Variants in LRRC37B observed in about 807,000 individuals in gnomAD.
LRRC37B encodes leucine rich repeat containing 37B.
In LRRC37B, 28 loss-of-function variants were observed where a neutral mutation model predicts 98.3. The ratio of observed to expected loss-of-function variants is 0.28; its 90% CI spans 0.21 to 0.39. The LOEUF (loss-of-function observed/expected upper bound fraction) is 0.39. Ranked by LOEUF, LRRC37B falls within the 10% of genes least tolerant of loss-of-function variation. The probability of loss-of-function intolerance (pLI) is 1.00; values close to 1 mark genes in which losing one functional copy is unlikely to be tolerated. For missense variants in LRRC37B, 938 were observed against 1,182.7 expected, an observed-to-expected ratio of 0.79 and a Z score of 3.03; for synonymous variants, 364 against 442.7, an observed-to-expected ratio of 0.82 and a Z score of 2.23.
intron 7 of LRRC37B, chr17:32,040,315 C>T (rs371829865): frequency 3.1e-4 from 105 of 339,202 alleles, no homozygotes; most frequent in African/African-American, 2.1e-3. Context: ...TCGAGGTGGC[C>T]CCGGGGCAGG....
intron 7 of LRRC37B, among the ~76,000 whole-genome samples, chr17:32,039,510 A>C (rs1436616024): frequency 6.7e-5 from 3 of 44,752 alleles, no homozygotes; most frequent in African/African-American, 3.4e-4. Context: ...ATATATATAT[A>C]TATATATATA....
At chr17:32,045,648 A>G in intron 7 of LRRC37B, 52 bp from the exon 11 acceptor site, 8 of 1,595,882 alleles carry the variant, frequency 5.0e-6, no homozygotes, top group Non-Finnish European at 1.7e-6. Context: ...TCCTTTACCT[A>G]CTCAAGTAAC....
chr17:32,025,029 C>CTTTT (rs1567614542), intron 2 of LRRC37B, among the ~76,000 whole-genome samples: 2 of 35,242 alleles, frequency 5.7e-5, no homozygotes, highest in African/African-American at 9.2e-5. Context: ...TTTTTTTCCT[C>CTTTT]GTTTTTTTTT....
At chr17:32,020,318 G>T (rs2076882), upstream of LRRC37B, among the ~76,000 whole-genome samples, 20,513 of 152,178 alleles carry the variant, frequency 0.13, 1,513 homozygotes, top group Middle Eastern at 0.16. Context: ...TTCAGGAAAT[G>T]ATTTAACATG....
At chr17:32,041,994 A>G (rs1020358678) in intron 7 of LRRC37B, 26 of 361,122 alleles carry the variant, frequency 7.2e-5, no homozygotes, top group Non-Finnish European at 1.2e-4. Context: ...CCCTGGTTTT[A>G]AATCCCTCCA....
chr17:32,024,342 G>A lies in LRRC37B; in HGVS notation c.1761-369G>A, dbSNP rs1252596546. ...TTCTTTCTACTTATTTATCGATAAA[G>A]ATAAGCTTATGCCCATTTTTCTGTT... On this transcript the variant is annotated intron_variant, in intron 1 of 11. Coordinates refer to ENST00000327564, the Ensembl canonical transcript of LRRC37B. 8.6e-6 allele frequency: 5 copies of A among 581,802 alleles called. No homozygotes were observed. In the East Asian group the frequency reaches 1.5e-4, roughly 17 times the overall value. The allele number at this position is 581,802 out of a possible 1,614,324, so 36.0% of individuals were successfully genotyped here. A position where few individuals can be genotyped will look rare whatever the true frequency, so the allele number is the denominator to read the frequency against.
intron 5 of LRRC37B, among the ~76,000 whole-genome samples, chr17:32,033,128 C>T (rs946893090): frequency 1.3e-5 from 2 of 152,210 alleles, no homozygotes; most frequent in Admixed American, 1.3e-4. Context: ...CATGCCATTG[C>T]ACTCAAGCCT....
intron 9 of LRRC37B, 75 bp downstream of exon 12, chr17:32,047,976 G>C: frequency 6.2e-7 from 1 of 1,611,674 alleles, no homozygotes; most frequent in Non-Finnish European, 8.5e-7. Context: ...TCTCTCACTG[G>C]GAAATCTAGG....
At position 32,027,633 on chromosome 17, in the gene LRRC37B, T is replaced by C. The variant is rs1238468275; in HGVS notation, c.1833-136T>C. The C allele has an allele frequency of 1.6e-5, 18 of 1,093,384 alleles. No homozygotes were observed. The South Asian group carries it at 2.4e-4, about 15-fold the overall frequency. The allele number at this position is 1,093,384 out of a possible 1,614,324, so 67.7% of individuals were successfully genotyped here. Reference sequence around the variant, plus strand: ...CAAAAAGGAAAATGGAAGAAAAGGTTTGAACGAAAGCAGAGCAGATCCCAC... The same window carrying C: ...CAAAAAGGAAAATGGAAGAAAAGGTCTGAACGAAAGCAGAGCAGATCCCAC... On this transcript the variant is annotated intron_variant, in intron 2 of 11. Transcript: ENST00000327564.
At chr17:32,016,238 T>C (rs958633463), upstream of LRRC37B, among the ~76,000 whole-genome samples, 3 of 152,222 alleles carry the variant, frequency 2.0e-5, no homozygotes, top group African/African-American at 7.2e-5. Context: ...CATTGTAATA[T>C]AATTCCTCCA....
intron 6 of LRRC37B, 95 bp downstream of exon 9, chr17:32,035,076 C>A: frequency 1.1e-6 from 1 of 932,972 alleles, no homozygotes; most frequent in South Asian, 1.6e-5. Context: ...GCTAAAAAGT[C>A]ATAATTTAAA....
At chr17:32,024,281 G>C (rs549174705) in intron 1 of LRRC37B, among the ~76,000 whole-genome samples, 1,652 of 151,764 alleles carry the variant, frequency 0.011, 11 homozygotes, top group African/African-American at 0.028. Flanking sequence ...GATGTTTCAA[G>C]AGAGGGCAAA....
chr17:32,035,714 GTTTA>G (rs1482360173), intron 7 of LRRC37B, 75 bp downstream of exon 10: 1 of 1,414,484 alleles, frequency 7.1e-7, no homozygotes, highest in Non-Finnish European at 9.8e-7. Context: ...CTTAAGTCAG[GTTTA>G]TTGAGATTTA....
chr17:32,023,460 A>G (rs1164722052), intron 1 of LRRC37B, among the ~76,000 whole-genome samples: 1 of 152,088 alleles, frequency 6.6e-6, no homozygotes, highest in African/African-American at 2.4e-5. Context: ...CACTCTCCCA[A>G]TCTCAGTGAT....
intron 7 of LRRC37B, among the ~76,000 whole-genome samples, chr17:32,037,918 T>C (rs139561153): frequency 0.012 from 1,783 of 151,958 alleles, 81 homozygotes; most frequent in East Asian, 0.093. Context: ...CCATCCTGGC[T>C]AACACAGTGA....
At chr17:32,021,513 G>A in exon 1 of LRRC37B, 1 of 1,613,966 alleles carries the variant, frequency 6.2e-7, no homozygotes. Context: ...GGACTTAAAT[G>A]ACAAGCGGAC....
intron 7 of LRRC37B, chr17:32,041,501 G>A (rs761782792): frequency 1.7e-6 from 1 of 589,818 alleles, no homozygotes; most frequent in Non-Finnish European, 3.2e-6. Flanking sequence ...TCAGCTACAT[G>A]GACGTGCTCA....
chr17:32,026,638 G>A (rs371418269), intron 2 of LRRC37B, among the ~76,000 whole-genome samples: 5 of 152,162 alleles, frequency 3.3e-5, no homozygotes, highest in Admixed American at 1.3e-4. Flanking sequence ...CATGTTGGAC[G>A]GGCTGGTCTC....
exon 1 of LRRC37B, chr17:32,022,235 C>G: frequency 1.2e-6 from 2 of 1,613,004 alleles, no homozygotes; most frequent in Admixed American, 1.7e-5. Context: ...CAGAATCTAC[C>G]CAAGCCCAGC....
Sources: gnomAD v4.1 joint callset for allele counts (sites outside exome capture counted in the v4.1 genomes callset) on GRCh38, gnomAD v4.1.1 for gene constraint, MANE v1.5 for transcripts, NCBI Gene and HGNC (gene_info 2026-07-23, HGNC 2026-07-21) for gene names.